PTPN3: variants seen among roughly 807,000 people sequenced by gnomAD.
The protein encoded by PTPN3 is tyrosine-protein phosphatase non-receptor type 3.
In PTPN3, 96 loss-of-function variants were observed where a neutral mutation model predicts 132.7. That is an observed-to-expected ratio of 0.72 (90% CI 0.61 to 0.86). The LOEUF is 0.86. Ranked by LOEUF, PTPN3 falls within the 40% of genes least tolerant of loss-of-function variation. The probability of loss-of-function intolerance (pLI) is 0.00; values close to 1 mark genes in which losing one functional copy is unlikely to be tolerated. For missense variants in PTPN3, 1,125 were observed against 1,159.6 expected (o/e 0.97, Z 0.43); for synonymous variants, 398 against 429.0 (o/e 0.93, Z 0.89).
chr9:109,534,466 C>T, the PTPN3 span: 9 of 1,146,628 alleles, frequency 7.8e-6, no homozygotes, highest in East Asian at 2.4e-4. Flanking sequence ...CGCTACCGAT[C>T]GAACTCTTGG....
chr9:109,417,588 C>T (rs1842619326), intron 14 of PTPN3: 1 of 983,528 alleles, frequency 1.0e-6, no homozygotes, highest in Admixed American at 6.2e-5. Flanking sequence ...GTACTTCTTA[C>T]CTGGAGCAAT....
chr9:109,499,426 C>T (rs568345305), upstream of PTPN3, among the ~76,000 whole-genome samples: 1 of 152,104 alleles, frequency 6.6e-6, no homozygotes, highest in South Asian at 2.1e-4. Context: ...GCTTAGGGAA[C>T]GGCAAGGAGG....
chr9:109,415,603 G>A (rs754123981), intron 14 of PTPN3, among the ~76,000 whole-genome samples: 2 of 152,178 alleles, frequency 1.3e-5, no homozygotes, highest in Non-Finnish European at 2.9e-5. Context: ...ACAGGGGAAC[G>A]ATTTGGATAT....
At chr9:109,384,733 T>C (rs978205363) in intron 22 of PTPN3, among the ~76,000 whole-genome samples, 2 of 152,240 alleles carry the variant, frequency 1.3e-5, no homozygotes, top group Non-Finnish European at 2.9e-5. Flanking sequence ...AATACATTTG[T>C]TCATGGTGGA....
intron 7 of PTPN3, among the ~76,000 whole-genome samples, chr9:109,439,629 C>T (rs1844310349): frequency 6.6e-6 from 1 of 152,224 alleles, no homozygotes; most frequent in South Asian, 2.1e-4. Context: ...GGCAATGCAG[C>T]CGGGCATGGT....
intron 14 of PTPN3, among the ~76,000 whole-genome samples, chr9:109,419,994 G>A (rs538815382): frequency 5.3e-4 from 80 of 152,258 alleles, no homozygotes; most frequent in Middle Eastern, 6.8e-3. Flanking sequence ...CCTGTTGTTC[G>A]GAGAAGGCTT....
chr9:109,518,044 G>A, the PTPN3 span, among the ~76,000 whole-genome samples: 2,827 of 152,290 alleles, frequency 0.019, 78 homozygotes, highest in African/African-American at 0.064. Flanking sequence ...AGGCCTAGGG[G>A]TGGTTACGGC....
intron 19 of PTPN3, among the ~76,000 whole-genome samples, chr9:109,399,991 C>G (rs1840947206): frequency 6.6e-6 from 1 of 150,688 alleles, no homozygotes; most frequent in East Asian, 2.0e-4. Context: ...GCATTGGAGC[C>G]AACACGGCTC....
Position 109,466,962 on chromosome 9 carries a change from G to T in PTPN3, c.-17-3511C>A, listed in dbSNP as rs368953398. On this transcript the variant is annotated intron_variant, in intron 1 of 25. Transcript: ENST00000374541. Reference sequence around the variant, plus strand: ...GGTCTCATATCATTATATTTAAGGAGCTCCAAGCAAACCTCCCTTCTTCCT... The same window carrying T: ...GGTCTCATATCATTATATTTAAGGATCTCCAAGCAAACCTCCCTTCTTCCT... Among the ~76,000 whole-genome samples, 35 of 152,102 alleles carry T rather than the reference G, an allele frequency of 2.3e-4. 1 individual carries two copies. The East Asian group carries it at 5.4e-3, about 24-fold the overall frequency.
rs773263707 is a variant in PTPN3 at position 109,377,513 on chromosome 9, C to A, written c.*2043G>T. The stretch of plus-strand genomic sequence containing the variant: ...CCCGGCTACTCAGGAGGCTGAGGTG[C>A]GAGGATTGCTTGAGCCCAGGAATTT... On this transcript the variant is annotated 3_prime_UTR_variant, in exon 26 of 26. Transcript: ENST00000374541. The A allele has an allele frequency of 2.6e-5, 4 of 151,380 alleles. No homozygotes were observed. The highest frequency in any genetic ancestry group is 9.8e-5 in the African/African-American group (4 of 40,858). The allele number at this position is 151,380 out of a possible 1,614,324, so 9.4% of individuals were successfully genotyped here.
chr9:109,389,930 C>A (rs1839919137), intron 21 of PTPN3, among the ~76,000 whole-genome samples: 1 of 152,198 alleles, frequency 6.6e-6, no homozygotes, highest in African/African-American at 2.4e-5. Context: ...AATATTCCTG[C>A]TCCATGTTTC....
chr9:109,440,151 C>A (rs1340558912), intron 7 of PTPN3, among the ~76,000 whole-genome samples: 2 of 152,168 alleles, frequency 1.3e-5, no homozygotes, highest in African/African-American at 4.8e-5. Flanking sequence ...CTGATCTGTA[C>A]AGAGGCTGAT....
chr9:109,382,169 C>A, intron 24 of PTPN3, 133 bp downstream of exon 24: 1 of 1,144,018 alleles, frequency 8.7e-7, no homozygotes, highest in Admixed American at 2.8e-5. Context: ...TGGTGAAGAA[C>A]CACAGTCAAC....
intron 5 of PTPN3, among the ~76,000 whole-genome samples, chr9:109,453,168 CA>C (rs1845366949): frequency 6.6e-6 from 1 of 152,056 alleles, no homozygotes; most frequent in African/African-American, 2.4e-5. Context: ...AGGAGGTGCA[CA>C]AAGAAGGCAA....
the PTPN3 span, chr9:109,534,308 G>T: frequency 6.6e-7 from 1 of 1,526,334 alleles, no homozygotes; most frequent in African/African-American, 1.4e-5. Flanking sequence ...GCGGGCGGCT[G>T]CTGGGTCTCG....
At chr9:109,521,375 G>T in the PTPN3 span, among the ~76,000 whole-genome samples, 1 of 152,124 alleles carries the variant, frequency 6.6e-6, no homozygotes, top group Non-Finnish European at 1.5e-5. Context: ...GCCCAGGCTG[G>T]TTTCGAACTC....
Position 109,389,352 on chromosome 9 carries a change from T to C in PTPN3, c.2134A>G (p.Asn712Asp). The C allele has an allele frequency of 1.2e-6, 2 of 1,613,768 alleles. No homozygotes were observed. Among genetic ancestry groups the C allele is most frequent in the Non-Finnish European group, 1.7e-6 (2 of 1,179,864 alleles). The change falls in exon 22 of 26, where the codon AAC becomes GAC. Residue 712 changes from asparagine (N) to aspartate (D), a missense_variant. Asn to Asp is a conservative substitution (Grantham distance 23). Transcript: ENST00000374541. ...NMEIPAANLV[N>D]KYIATQGPLP... ...GGCCCCTGAGTGGCGATGTACTTGTTCACAAGGTTAGCAGCAGGAATTTCC... is the reference window on the plus strand; with the variant it reads ...GGCCCCTGAGTGGCGATGTACTTGTCCACAAGGTTAGCAGCAGGAATTTCC...
intron 1 of PTPN3, among the ~76,000 whole-genome samples, chr9:109,470,721 T>C (rs1011252610): frequency 1.2e-4 from 18 of 151,254 alleles, no homozygotes; most frequent in Admixed American, 1.3e-4. Flanking sequence ...TTACAAACAC[T>C]TGGGTGGGGA....
chr9:109,479,549 G>A (rs1846856930), intron 1 of PTPN3, among the ~76,000 whole-genome samples: 2 of 152,318 alleles, frequency 1.3e-5, no homozygotes, highest in Admixed American at 1.3e-4. Context: ...GAGTAGGATT[G>A]CTGGGTCACA....
Sources: allele counts gnomAD v4.1 joint callset (sites outside exome capture counted in the v4.1 genomes callset), GRCh38; gene constraint gnomAD v4.1.1; transcripts MANE v1.5; gene names NCBI Gene and HGNC (gene_info 2026-07-23, HGNC 2026-07-21).